ABLIM2: variants seen among roughly 807,000 people sequenced by gnomAD.
ABLIM2 encodes the protein actin-binding LIM protein 2.
Under a neutral mutation model 97.7 loss-of-function variants are expected in ABLIM2, and 53 were observed. The observed-to-expected ratio is 0.54, with a 90% CI of 0.44 to 0.68. The LOEUF (loss-of-function observed/expected upper bound fraction) is 0.68, where lower values mean the gene tolerates loss of function less well. Ranked by LOEUF, ABLIM2 falls within the 30% of genes least tolerant of loss-of-function variation. The pLI is 0.00. For missense variants in ABLIM2, 835 were observed against 867.2 expected, an observed-to-expected ratio of 0.96 and a Z score of 0.47; for synonymous variants, 361 against 345.8, an observed-to-expected ratio of 1.04 and a Z score of -0.49.
intron 5 of ABLIM2, among the ~76,000 whole-genome samples, chr4:8,079,945 C>T (rs1028938019): frequency 5.9e-5 from 9 of 152,190 alleles, no homozygotes; most frequent in Non-Finnish European, 1.3e-4. Flanking sequence ...AGGAGCTGCC[C>T]GCCTTCAGCT....
intron 2 of ABLIM2, among the ~76,000 whole-genome samples, chr4:8,097,984 G>C (rs1310632742): frequency 6.6e-6 from 1 of 152,190 alleles, no homozygotes; most frequent in African/African-American, 2.4e-5. Flanking sequence ...GAGGGCTGAG[G>C]GATCTCTGCC....
Position 8,025,665 on chromosome 4 carries a change from T to C in ABLIM2, c.1267+2094A>G, listed in dbSNP as rs146497347. Among the ~76,000 whole-genome samples the C allele has an allele frequency of 2.4e-3, 364 of 152,228 alleles. 1 individual carries two copies. The highest frequency in any genetic ancestry group is 0.01 in the Middle Eastern group (3 of 294). The stretch of plus-strand genomic sequence containing the variant: ...GGAGGGGAGGGTCGCCAGGGCTGGC[T>C]CTGGCTCTAGGACCCACAGAGGCTG... On this transcript the variant is annotated intron_variant, in intron 12 of 20. Transcript: ENST00000447017.
At chr4:8,031,973 C>T (rs1397130457) in intron 10 of ABLIM2, among the ~76,000 whole-genome samples, 4 of 152,036 alleles carry the variant, frequency 2.6e-5, no homozygotes, top group Admixed American at 2.0e-4. Context: ...GTGATCCGCC[C>T]ACCTCGGCCT....
intron 17 of ABLIM2, among the ~76,000 whole-genome samples, chr4:7,990,763 C>A (rs1473936987): frequency 6.6e-6 from 1 of 152,130 alleles, no homozygotes; most frequent in Non-Finnish European, 1.5e-5. Context: ...GCAGGGCCGC[C>A]CTGAAAAAGG....
chr4:8,135,783 T>C (rs1002363356), intron 1 of ABLIM2, among the ~76,000 whole-genome samples: 2 of 152,196 alleles, frequency 1.3e-5, no homozygotes, highest in African/African-American at 4.8e-5. Context: ...GCCGGCAACA[T>C]GGGCAAGGGG....
rs899929443 is a variant in ABLIM2 at position 8,125,368 on chromosome 4, A to C, written c.11-18731T>G. On this transcript the variant is annotated intron_variant, in intron 1 of 20. Transcript: ENST00000447017. The surrounding 1 kb of genome is among the most constrained non-coding windows in gnomAD (Gnocchi z 6.2). ...TTTGGTTTTACTGTAATTTTACATG[A>C]ATAATTTTACACAAATAGAATTGCA... is the stretch of plus-strand genomic sequence containing the variant. Among the ~76,000 whole-genome samples, 3 of 152,200 alleles carry C rather than the reference A, an allele frequency of 2.0e-5. No individual in the cohort carries two copies. Among genetic ancestry groups the C allele is most frequent in the Non-Finnish European group, 4.4e-5 (3 of 68,042 alleles).
rs1428109401 is a variant in ABLIM2, at chr4:8,124,773, C to G, written c.11-18136G>C. On this transcript the variant is annotated intron_variant, in intron 1 of 20. Transcript: ENST00000447017. This position sits in a 1 kb window ranked among gnomAD's most constrained non-coding sequence, Gnocchi z 6.1. ...TTTGCATGCTTTTTGGGTAGATACC[C>G]AGGAGTGGAGTTGCTGGGTCCTGTG... 6.6e-6 allele frequency among the ~76,000 whole-genome samples: 1 copy of G among 152,152 alleles called. No individual in the cohort carries two copies. Among genetic ancestry groups the G allele is most frequent in the African/African-American group, 2.4e-5 (1 of 41,424 alleles).
intron 9 of ABLIM2, chr4:8,041,462 G>A (rs1788488164): frequency 6.6e-6 from 1 of 152,230 alleles, no homozygotes; most frequent in Non-Finnish European, 1.5e-5. Flanking sequence ...GGAGACCTGT[G>A]GGCTCCAAGC....
In ABLIM2 at chr4:8,032,803, C is replaced by G. The variant is rs1579220098; in HGVS notation, c.1048-3027G>C. 3 of 995,778 alleles carry G rather than the reference C, an allele frequency of 3.0e-6. No homozygotes were observed. Among genetic ancestry groups the G allele is most frequent in the Middle Eastern group, 2.1e-4 (1 of 4,848 alleles). The allele number at this position is 995,778 out of a possible 1,614,324, so 61.7% of individuals were successfully genotyped here. On this transcript the variant is annotated intron_variant, in intron 10 of 20. Transcript: ENST00000447017. The surrounding 1 kb of genome is among the most constrained non-coding windows in gnomAD (Gnocchi z 4.3). Reference sequence around the variant, plus strand: ...CCACACAGAGCCCTGATCCTCCAGACAGGAAAAGAACTCTACCCCGAGAGA... The same window carrying G: ...CCACACAGAGCCCTGATCCTCCAGAGAGGAAAAGAACTCTACCCCGAGAGA...
At chr4:8,042,677 T>C (rs966276809) in intron 9 of ABLIM2, among the ~76,000 whole-genome samples, 3 of 151,922 alleles carry the variant, frequency 2.0e-5, no homozygotes, top group Non-Finnish European at 4.4e-5. Flanking sequence ...CCGTCTCTAC[T>C]AAAAATACAA....
At position 8,079,248 on chromosome 4, in the gene ABLIM2, C is replaced by T. The variant is rs141080165; in HGVS notation, c.581+1428G>A. ...CAGGACTCCCGTAATAACCCACAAA[C>T]GAGTGTTATTTGCAGCAAATGGGAA... On this transcript the variant is annotated intron_variant, in intron 5 of 20. Transcript: ENST00000447017. 2.6e-4 allele frequency among the ~76,000 whole-genome samples: 39 copies of T among 152,334 alleles called. No individual in the cohort carries two copies. The East Asian group carries it at 6.9e-3, about 27-fold the overall frequency.
In ABLIM2 at chr4:8,054,220, G is replaced by A. The variant is rs777071153; in HGVS notation, c.790C>T (p.Arg264Ter). 1.1e-5 allele frequency: 17 copies of A among 1,613,946 alleles called. No individual in the cohort carries two copies. The highest frequency in any genetic ancestry group is 1.7e-5 in the Admixed American group (1 of 60,004). ...CTGTCTTCAGTTCTGGCTGCTTGTCGACACGCCGGATGCCAGATGGAGGAA... is the reference window on the plus strand; with the variant it reads ...CTGTCTTCAGTTCTGGCTGCTTGTCAACACGCCGGATGCCAGATGGAGGAA... ...QGSSIWHPAC[R>*]QAARTEDRNK... is the part of the protein sequence containing the mutation. The change falls in exon 8 of 21, where the codon CGA (arginine) becomes TGA (stop). Residue 264 changes from arginine (R) to a stop codon, truncating the protein, a stop_gained. Transcript: ENST00000447017. LOFTEE classifies it high-confidence loss of function. The surrounding 1 kb of genome is among the most constrained non-coding windows in gnomAD (Gnocchi z 4.9).
rs1380191349 is a variant in ABLIM2 at position 8,004,748 on chromosome 4, T to C, written c.1618+3311A>G. Among the ~76,000 whole-genome samples the C allele has an allele frequency of 6.6e-6, 1 of 152,228 alleles. No individual in the cohort carries two copies. The highest frequency in any genetic ancestry group is 6.5e-5 in the Admixed American group (1 of 15,290). Reference sequence around the variant, plus strand: ...TATAACATAAAATCAATAGCCTCCCTTCCTGTGCAGAAATCAGGTGCACTG... The same window carrying C: ...TATAACATAAAATCAATAGCCTCCCCTCCTGTGCAGAAATCAGGTGCACTG... On this transcript the variant is annotated intron_variant, in intron 16 of 20. Transcript: ENST00000447017. This position sits in a 1 kb window ranked among gnomAD's most constrained non-coding sequence, Gnocchi z 5.9.
intron 12 of ABLIM2, among the ~76,000 whole-genome samples, chr4:8,024,549 C>T (rs541438954): frequency 5.9e-5 from 9 of 152,266 alleles, no homozygotes; most frequent in East Asian, 5.8e-4. Flanking sequence ...GGGCAGGCGA[C>T]GCTGCCTGGT....
At chr4:8,080,360 C>T (rs542163314) in intron 5 of ABLIM2, among the ~76,000 whole-genome samples, 31 of 152,264 alleles carry the variant, frequency 2.0e-4, no homozygotes, top group Middle Eastern at 3.4e-3. Flanking sequence ...GGGACTGCGA[C>T]GGGGAGGGAA....
intron 1 of ABLIM2, among the ~76,000 whole-genome samples, chr4:8,153,048 G>A (rs1197488667): frequency 6.6e-6 from 1 of 152,178 alleles, no homozygotes; most frequent in African/African-American, 2.4e-5. Flanking sequence ...TCTAGGCTCT[G>A]GGGTTGGTTG....
chr4:7,968,687 T>C (rs1221089907), intron 20 of ABLIM2, among the ~76,000 whole-genome samples: 6 of 151,828 alleles, frequency 4.0e-5, no homozygotes, highest in South Asian at 2.1e-4. Context: ...GAGAGAGGAA[T>C]GGGGAGGGAC....
rs951695903 is a variant in ABLIM2, at chr4:7,970,328, C to A, written c.1825-3225G>T. On this transcript the variant is annotated intron_variant, in intron 20 of 20. Transcript: ENST00000447017. The surrounding 1 kb of genome is among the most constrained non-coding windows in gnomAD (Gnocchi z 5.3). ...GCTGGGGGAGGCTAAGGGAGGGGCG[C>A]AAAGGTGCTGGTGGGCAGAGGGAAG... 2.6e-5 allele frequency among the ~76,000 whole-genome samples: 4 copies of A among 151,896 alleles called. No individual in the cohort carries two copies. The highest frequency in any genetic ancestry group is 9.7e-5 in the African/African-American group (4 of 41,360).
rs1251683559 is a variant in ABLIM2 at position 8,130,998 on chromosome 4, G to A, written c.11-24361C>T. Reference sequence around the variant, plus strand: ...CTCTTGGGGCAGCCTGCATTTCCTGGTGATGGCAGCATCACTCCAGCCTCT... The same window carrying A: ...CTCTTGGGGCAGCCTGCATTTCCTGATGATGGCAGCATCACTCCAGCCTCT... On this transcript the variant is annotated intron_variant, in intron 1 of 20. Transcript: ENST00000447017. This position sits in a 1 kb window ranked among gnomAD's most constrained non-coding sequence, Gnocchi z 4.2. Among the ~76,000 whole-genome samples the A allele has an allele frequency of 6.6e-6, 1 of 152,132 alleles. No homozygotes were observed. Among genetic ancestry groups the A allele is most frequent in the Non-Finnish European group, 1.5e-5 (1 of 68,016 alleles).
Sources: allele counts gnomAD v4.1 joint callset (sites outside exome capture counted in the v4.1 genomes callset), GRCh38; gene constraint gnomAD v4.1.1; non-coding constraint Gnocchi (gnomAD v3.1); transcripts MANE v1.5; gene names NCBI Gene and HGNC (gene_info 2026-07-23, HGNC 2026-07-21).